Variants in EFR3A observed in about 807,000 individuals in gnomAD.
The protein encoded by EFR3A is protein EFR3 homolog A.
A neutral mutation model predicts 104.4 loss-of-function variants in EFR3A; 76 were observed. That is an observed-to-expected ratio of 0.73 (90% confidence interval 0.60 to 0.88). The LOEUF is 0.88. Among genes scored for constraint, EFR3A ranks in the 40% least tolerant of loss-of-function variants. The pLI, the probability that EFR3A is intolerant of heterozygous loss-of-function variation, is 0.00. For synonymous variants in EFR3A, 330 were observed against 330.0 expected (o/e 1.00, Z 0.00); for missense variants, 985 against 1,012.5 (o/e 0.97, Z 0.37).
chr8:131,951,420 C>CTT (rs1327424196), intron 5 of EFR3A, among the ~76,000 whole-genome samples: 1 of 152,022 alleles, frequency 6.6e-6, no homozygotes, highest in African/African-American at 2.4e-5. Flanking sequence ...ATTAATTTTT[C>CTT]TCTCTCTAAA....
At chr8:131,951,786 A>G (rs148581401) in intron 5 of EFR3A, among the ~76,000 whole-genome samples, 3 of 152,278 alleles carry the variant, frequency 2.0e-5, no homozygotes, top group Non-Finnish European at 4.4e-5. Flanking sequence ...CATAATGCCA[A>G]CATTTTATTT....
At chr8:131,986,134 A>G (rs1479722149) in intron 16 of EFR3A, 60 bp from the exon 17 acceptor site, 3 of 759,508 alleles carry the variant, frequency 3.9e-6, no homozygotes, top group South Asian at 4.0e-5. Flanking sequence ...CTGAATTTTT[A>G]TAGCAAGGTA....
At chr8:131,972,799 GGTAATTTTTTC>G (rs1441441551) in intron 10 of EFR3A, among the ~76,000 whole-genome samples, 1 of 151,706 alleles carries the variant, frequency 6.6e-6, no homozygotes, top group Non-Finnish European at 1.5e-5. Context: ...CTTTTATCTG[GGTAATTTTTTC>G]ACTTATGGGC....
At position 132,011,405 on chromosome 8, in the gene EFR3A, A is replaced by G; in HGVS notation, c.*510A>G. 2 of 985,926 alleles carry G rather than the reference A, an allele frequency of 2.0e-6. No individual in the cohort carries two copies. Among genetic ancestry groups the G allele is most frequent in the Non-Finnish European group, 2.4e-6 (2 of 830,278 alleles). 61.1% of individuals were successfully genotyped at this position (985,926 alleles called of 1,614,324 possible). A position where few individuals can be genotyped will look rare whatever the true frequency, so the allele number is the denominator to read the frequency against. ...ATGCTTTAGATAAGCTGGGATAGGC[A>G]CCTTGCTATTCAGTTACTATAATAA... is the stretch of plus-strand genomic sequence containing the variant. On this transcript the variant is annotated 3_prime_UTR_variant, in exon 23 of 23. Coordinates refer to ENST00000254624, the MANE Select transcript of EFR3A (RefSeq NM_015137.6).
chr8:131,946,459 A>T lies in EFR3A; in HGVS notation c.216-24A>T, dbSNP rs569133899. The T allele has an allele frequency of 5.9e-6, 9 of 1,518,230 alleles. No homozygotes were observed. In the East Asian group the frequency reaches 1.2e-4, roughly 21 times the overall value. 94.0% of individuals were successfully genotyped at this position (1,518,230 alleles called of 1,614,324 possible). ...AATTAAGAGAGGTAGAAATGCTTTGACATTCTTTTTCTCCTACATGTAGGT... is the reference window on the plus strand; with the variant it reads ...AATTAAGAGAGGTAGAAATGCTTTGTCATTCTTTTTCTCCTACATGTAGGT... On this transcript the variant is annotated intron_variant, in intron 3 of 22. Transcript: ENST00000254624.
intron 18 of EFR3A, among the ~76,000 whole-genome samples, chr8:131,992,559 A>G (rs1821246915): frequency 6.6e-6 from 1 of 152,192 alleles, no homozygotes; most frequent in Non-Finnish European, 1.5e-5. Flanking sequence ...AGGGAAGTTC[A>G]TTAATAACTG....
chr8:131,928,397 G>A (rs1168449942), intron 1 of EFR3A, among the ~76,000 whole-genome samples: 1 of 151,924 alleles, frequency 6.6e-6, no homozygotes, highest in African/African-American at 2.4e-5. Flanking sequence ...TCCTTTTGTT[G>A]TTATTCTGAT....
chr8:131,979,940 A>G (rs1820520947), intron 14 of EFR3A, among the ~76,000 whole-genome samples: 1 of 152,110 alleles, frequency 6.6e-6, no homozygotes, highest in Non-Finnish European at 1.5e-5. Flanking sequence ...TCTACTGGCA[A>G]ATGGCTGAAT....
chr8:132,004,510 C>A (rs938437211), intron 22 of EFR3A, among the ~76,000 whole-genome samples: 3 of 152,332 alleles, frequency 2.0e-5, no homozygotes, highest in Admixed American at 1.3e-4. Context: ...ATCATCCCCC[C>A]AGTCCCCATC....
chr8:131,915,512 C>T (rs936252572), intron 1 of EFR3A, among the ~76,000 whole-genome samples: 3 of 152,130 alleles, frequency 2.0e-5, no homozygotes, highest in Admixed American at 1.3e-4. Flanking sequence ...AAAGCAGTCC[C>T]TAGCTTCAAA....
At chr8:131,937,927 G>T (rs946632097) in intron 1 of EFR3A, among the ~76,000 whole-genome samples, 1 of 151,942 alleles carries the variant, frequency 6.6e-6, no homozygotes, top group Non-Finnish European at 1.5e-5. Flanking sequence ...GAAAGGGGGT[G>T]TAAGTAGGCT....
intron 1 of EFR3A, among the ~76,000 whole-genome samples, chr8:131,904,535 T>C (rs755853642): frequency 2.0e-4 from 31 of 152,198 alleles, no homozygotes; most frequent in Non-Finnish European, 4.1e-4. Flanking sequence ...GGCCCGAACG[T>C]TAAGGGAACT....
chr8:132,010,751 A>G (rs1294024417), intron 22 of EFR3A, 39 bp from the exon 23 acceptor site: 2 of 1,603,466 alleles, frequency 1.2e-6, no homozygotes, highest in Middle Eastern at 1.7e-4. Context: ...AACAGCTTGT[A>G]AGTACACCTG....
At chr8:131,976,588 T>G (rs1434453415) in intron 11 of EFR3A, among the ~76,000 whole-genome samples, 2 of 152,288 alleles carry the variant, frequency 1.3e-5, no homozygotes, top group Admixed American at 6.5e-5. Context: ...GTGAATGTTG[T>G]TTTGTTAATT....
chr8:131,967,535 G>GTGTA (rs1017708435), intron 8 of EFR3A, among the ~76,000 whole-genome samples: 4 of 148,756 alleles, frequency 2.7e-5, no homozygotes, highest in African/African-American at 1.0e-4. Flanking sequence ...ATGGGTGTAA[G>GTGTA]TGTAGGTTTT....
intron 18 of EFR3A, among the ~76,000 whole-genome samples, chr8:131,991,757 G>A (rs561697680): frequency 3.3e-5 from 5 of 152,220 alleles, no homozygotes; most frequent in East Asian, 3.9e-4. Context: ...CTCCAAAGCC[G>A]AAAGTCTCAA....
At chr8:131,920,852 A>C (rs1037936020) in intron 1 of EFR3A, among the ~76,000 whole-genome samples, 1 of 152,288 alleles carries the variant, frequency 6.6e-6, no homozygotes. Context: ...TGTAAATAAC[A>C]ATACCTACCT....
intron 8 of EFR3A, among the ~76,000 whole-genome samples, chr8:131,966,505 T>C (rs1819747067): frequency 6.6e-6 from 1 of 152,184 alleles, no homozygotes; most frequent in African/African-American, 2.4e-5. Flanking sequence ...CTAATACATA[T>C]TAAGCATTTT....
chr8:131,905,048 C>A (rs945478994), intron 1 of EFR3A, among the ~76,000 whole-genome samples: 1 of 152,100 alleles, frequency 6.6e-6, no homozygotes, highest in Non-Finnish European at 1.5e-5. Context: ...TAGACAGACG[C>A]GATACTACAA....
Sources: gnomAD v4.1 joint callset for allele counts (sites outside exome capture counted in the v4.1 genomes callset) on GRCh38, gnomAD v4.1.1 for gene constraint, MANE v1.5 for transcripts, NCBI Gene and HGNC (gene_info 2026-07-23, HGNC 2026-07-21) for gene names.